Variants in PCNT observed in about 807,000 individuals in gnomAD.
The protein encoded by PCNT is kendrin.
Under a neutral mutation model 380.4 loss-of-function variants are expected in PCNT, and 319 were observed. That is an observed-to-expected ratio of 0.84 (90% CI 0.77 to 0.92). The LOEUF (loss-of-function observed/expected upper bound fraction) is 0.92. Among genes scored for constraint, PCNT ranks in the 40% least tolerant of loss-of-function variants. The pLI, the probability that PCNT is intolerant of heterozygous loss-of-function variation, is 0.00. For missense variants in PCNT, 4,400 were observed against 4,255.3 expected, an observed-to-expected ratio of 1.03 and a Z score of -0.95; for synonymous variants, 1,845 against 1,735.2, an observed-to-expected ratio of 1.06 and a Z score of -1.57.
intron 33 of PCNT, 98 bp downstream of exon 33, chr21:46,426,069 C>CTTT (rs760416456): frequency 0.011 from 3,240 of 304,378 alleles, 86 homozygotes; most frequent in Non-Finnish European, 0.012. Context: ...GGATTTCTTT[C>CTTT]TTTTTTTTTT....
At position 46,388,746 on chromosome 21, in the gene PCNT, G is replaced by T. The variant is rs778900170; in HGVS notation, c.3469G>T (p.Ala1157Ser). ...DVNLSHSERGALQDALRRLLG... is the reference protein window; with the variant it reads ...DVNLSHSERGSLQDALRRLLG... ...GATGGGTGTCTCCTGTCTCAGAGGG[G>T]CCCTCCAGGACGCCCTGCGCAGGCT... Residue 1157 changes from alanine (A) to serine (S), a missense_variant, in exon 18 of 47, where the codon GCC becomes TCC. Physicochemically the swap from Ala to Ser is moderately conservative, Grantham distance 99. Transcript: ENST00000359568. The surrounding 1 kb of genome is among the most constrained non-coding windows in gnomAD (Gnocchi z 4.2). The T allele has an allele frequency of 1.2e-6, 2 of 1,613,784 alleles. No homozygotes were observed. Among genetic ancestry groups the T allele is most frequent in the Admixed American group, 1.7e-5 (1 of 60,020 alleles).
At chr21:46,345,142 A>G (rs1001920989) in intron 3 of PCNT, among the ~76,000 whole-genome samples, 2 of 152,096 alleles carry the variant, frequency 1.3e-5, no homozygotes, top group Non-Finnish European at 2.9e-5. Context: ...TCCTGAGAGC[A>G]GGTTGTTTGT....
chr21:46,398,577 C>T (rs1156469134), intron 24 of PCNT, among the ~76,000 whole-genome samples: 2 of 152,222 alleles, frequency 1.3e-5, no homozygotes, highest in Non-Finnish European at 2.9e-5. Flanking sequence ...TGCCTTCTGC[C>T]CCCCACGGAC....
chr21:46,418,873 C>T (rs1053801877), intron 31 of PCNT, among the ~76,000 whole-genome samples: 2 of 152,186 alleles, frequency 1.3e-5, no homozygotes, highest in Middle Eastern at 3.2e-3. Flanking sequence ...GACCTCGTGG[C>T]GGGAGGTGCG....
intron 27 of PCNT, among the ~76,000 whole-genome samples, chr21:46,405,231 TA>T (rs1299968200): frequency 6.6e-6 from 1 of 151,510 alleles, no homozygotes; most frequent in Non-Finnish European, 1.5e-5. Context: ...GGACCCTGCC[TA>T]AAAAAAAATA....
intron 16 of PCNT, among the ~76,000 whole-genome samples, chr21:46,382,159 A>G (rs891849591): frequency 2.1e-5 from 3 of 143,986 alleles, no homozygotes; most frequent in African/African-American, 7.7e-5. Context: ...AAGCGCATTC[A>G]TAGTGTAGAT....
chr21:46,416,364 C>T lies in PCNT; in HGVS notation c.6446C>T (p.Ala2149Val), dbSNP rs147033992. Residue 2149 changes from alanine to valine, a missense_variant, in exon 30 of 47, where the codon GCG becomes GTG. Physicochemically the swap from Ala to Val is moderately conservative, Grantham distance 64. Transcript: ENST00000359568. ...GTTATCAAAAATCAGGCCATAGACG[C>T]GTGTGATGCCAATACAACCCCAGGG... ...TDVIKNQAIDACDANTTPGGV... is the reference protein window; with the variant it reads ...TDVIKNQAIDVCDANTTPGGV... The T allele has an allele frequency of 3.1e-5, 50 of 1,613,972 alleles. No individual in the cohort carries two copies. The highest frequency in any genetic ancestry group is 5.3e-5 in the African/African-American group (4 of 74,882).
chr21:46,329,603 C>T (rs1007596722), intron 2 of PCNT, among the ~76,000 whole-genome samples: 3 of 152,206 alleles, frequency 2.0e-5, no homozygotes, highest in African/African-American at 7.2e-5. Flanking sequence ...ACACTCACTG[C>T]ACTTGCTGCA....
chr21:46,351,392 T>A (rs765671801), intron 8 of PCNT, 37 bp from the exon 9 acceptor site: 1 of 1,113,960 alleles, frequency 9.0e-7, no homozygotes, highest in South Asian at 1.2e-5. Context: ...GGCCTTGAGC[T>A]CATTAGGGTT....
intron 9 of PCNT, among the ~76,000 whole-genome samples, chr21:46,352,486 C>A (rs1469916044): frequency 6.6e-6 from 1 of 152,112 alleles, no homozygotes; most frequent in African/African-American, 2.4e-5. Context: ...CTCTCGGGAC[C>A]CATGCAGAGA....
At chr21:46,387,362 G>A (rs926502902) in intron 17 of PCNT, among the ~76,000 whole-genome samples, 11 of 152,114 alleles carry the variant, frequency 7.2e-5, no homozygotes, top group African/African-American at 2.4e-4. Context: ...GTCAGTGGGC[G>A]AGCGAGAGCT....
At chr21:46,442,452 T>C (rs1465144464) in intron 43 of PCNT, 45 bp from the exon 44 acceptor site, 7 of 1,228,700 alleles carry the variant, frequency 5.7e-6, no homozygotes, top group Non-Finnish European at 8.4e-6. Context: ...TTTCCCTTCC[T>C]GTCTTGCCGT....
chr21:46,388,006 C>A lies in PCNT; in HGVS notation c.3465-736C>A, dbSNP rs562102451. On this transcript the variant is annotated intron_variant, in intron 17 of 46. Coordinates refer to ENST00000359568, the MANE Select transcript of PCNT (RefSeq NM_006031.6). This position sits in a 1 kb window ranked among gnomAD's most constrained non-coding sequence, Gnocchi z 4.2. Reference sequence around the variant, plus strand: ...CGGGTGGATCATGAGGTCAGGAGATCGAGACCATCCTGGCTAACATGGTGA... The same window carrying A: ...CGGGTGGATCATGAGGTCAGGAGATAGAGACCATCCTGGCTAACATGGTGA... Among the ~76,000 whole-genome samples, 4 of 151,834 alleles carry A rather than the reference C, an allele frequency of 2.6e-5. No individual in the cohort carries two copies. Among genetic ancestry groups the A allele is most frequent in the Admixed American group, 6.6e-5 (1 of 15,250 alleles).
intron 32 of PCNT, among the ~76,000 whole-genome samples, chr21:46,424,757 C>T (rs968502252): frequency 2.7e-5 from 4 of 149,478 alleles, no homozygotes; most frequent in Middle Eastern, 3.4e-3. Context: ...TTGCTCCCCC[C>T]GTCTCCGCTC....
chr21:46,379,303 C>T (rs924286138), intron 15 of PCNT, among the ~76,000 whole-genome samples: 11 of 151,500 alleles, frequency 7.3e-5, no homozygotes, highest in Admixed American at 3.9e-4. Context: ...TCCCGGGCCG[C>T]GTGTCGTGAG....
chr21:46,373,511 A>G (rs1386402413), intron 15 of PCNT, among the ~76,000 whole-genome samples: 3 of 139,046 alleles, frequency 2.2e-5, no homozygotes, highest in Non-Finnish European at 4.6e-5. Flanking sequence ...GGCTCACTGC[A>G]ACCTCTGCCT....
chr21:46,389,205 C>T lies in PCNT; in HGVS notation c.3614C>T (p.Ala1205Val), dbSNP rs761787113. Residue 1205 changes from alanine (A) to valine (V), a missense_variant, in exon 19 of 47, where the codon GCG (alanine) becomes GTG (valine). Coordinates refer to ENST00000359568, the MANE Select transcript of PCNT (RefSeq NM_006031.6). ...GCATCTGCTCATCTTGTAGCTCCGG[C>T]GCTGGAGGAGACATGGTCTGATGTG... ...GAGLALSTAP[A>V]LEETWSDVAL... 11 of 1,613,798 alleles carry T rather than the reference C, an allele frequency of 6.8e-6. No homozygotes were observed. Among genetic ancestry groups the T allele is most frequent in the South Asian group, 1.1e-5 (1 of 91,086 alleles).
In PCNT at chr21:46,326,424, G is replaced by A. The variant is rs372705970; in HGVS notation, c.102G>A (p.Ser34=). The change falls in exon 2 of 47, where the codon TCG becomes TCA. Residue 34 remains serine (S), a synonymous_variant. Coordinates refer to ENST00000359568, the MANE Select transcript of PCNT (RefSeq NM_006031.6). Reference sequence around the variant, plus strand: ...AAACAAAAGGTGACAGTTCGCATTCGGAGAAAAAGACGGCGAAGAGGAAGG... The same window carrying A: ...AAACAAAAGGTGACAGTTCGCATTCAGAGAAAAAGACGGCGAAGAGGAAGG... The part of the protein sequence containing the change: ...QRKTKGDSSH[S]EKKTAKRKGS... The A allele has an allele frequency of 3.7e-6, 6 of 1,614,092 alleles. No homozygotes were observed. The highest frequency in any genetic ancestry group is 5.1e-6 in the Non-Finnish European group (6 of 1,180,048).
intron 19 of PCNT, among the ~76,000 whole-genome samples, chr21:46,390,090 C>G (rs903225377): frequency 6.6e-6 from 1 of 152,256 alleles, no homozygotes; most frequent in South Asian, 2.1e-4. Context: ...TCAGCCTGGC[C>G]GTGGACGGCC....
Sources: allele counts gnomAD v4.1 joint callset (sites outside exome capture counted in the v4.1 genomes callset), GRCh38; gene constraint gnomAD v4.1.1; non-coding constraint Gnocchi (gnomAD v3.1); transcripts MANE v1.5; gene names NCBI Gene and HGNC (gene_info 2026-07-23, HGNC 2026-07-21).